FLVCR2: variants seen among roughly 807,000 people sequenced by gnomAD.
FLVCR2 encodes FLVCR choline and putative heme transporter 2, also known as choline/ethanolamine transporter FLVCR2.
In FLVCR2, 38 loss-of-function variants were observed where a neutral mutation model predicts 48.9. That is an observed-to-expected ratio of 0.78 (90% CI 0.60 to 1.02). The LOEUF is 1.02. Among genes scored for constraint, FLVCR2 ranks in the 50% least tolerant of loss-of-function variants. FLVCR2 has a pLI of 0.00. For synonymous variants in FLVCR2, 255 were observed against 257.0 expected (o/e 0.99, Z 0.07); for missense variants, 664 against 663.3 (o/e 1.00, Z -0.01).
chr14:75,586,105 A>G (rs1888741727), intron 1 of FLVCR2, among the ~76,000 whole-genome samples: 1 of 152,356 alleles, frequency 6.6e-6, no homozygotes, highest in African/African-American at 2.4e-5. Context: ...ACCACCAAAC[A>G]GGCTTTGTGT....
At chr14:75,634,701 A>G (rs1890123774) in intron 4 of FLVCR2, among the ~76,000 whole-genome samples, 1 of 152,200 alleles carries the variant, frequency 6.6e-6, no homozygotes, top group Non-Finnish European at 1.5e-5. Flanking sequence ...CCAGCATCCA[A>G]TATCATGCAC....
At chr14:75,639,600 T>G (rs1890258003) in intron 6 of FLVCR2, 138 bp downstream of exon 6, 1 of 725,062 alleles carries the variant, frequency 1.4e-6, no homozygotes, top group Non-Finnish European at 2.5e-6. Context: ...TGCCCAGGGG[T>G]CTCGGTAATA....
At chr14:75,639,150 T>A (rs1355608023) in intron 5 of FLVCR2, among the ~76,000 whole-genome samples, 1 of 152,090 alleles carries the variant, frequency 6.6e-6, no homozygotes. Flanking sequence ...GGTAGAGGTT[T>A]CAGCGAGCTG....
At chr14:75,627,164 G>A (rs1194996064) in intron 3 of FLVCR2, among the ~76,000 whole-genome samples, 1 of 151,922 alleles carries the variant, frequency 6.6e-6, no homozygotes, top group Non-Finnish European at 1.5e-5. Flanking sequence ...GTTTGCTTAC[G>A]TGGTCTTTAA....
chr14:75,607,874 G>A (rs1889334729), intron 1 of FLVCR2, among the ~76,000 whole-genome samples: 1 of 152,072 alleles, frequency 6.6e-6, no homozygotes, highest in East Asian at 1.9e-4. Context: ...GGAGTTTAAG[G>A]CCAGTCTTCG....
Position 75,579,429 on chromosome 14 carries a change from A to G in FLVCR2, c.457A>G (p.Ile153Val). The change falls in exon 1 of 10, where the codon ATT becomes GTT. Residue 153 changes from isoleucine (I) to valine (V), a missense_variant. Coordinates refer to ENST00000238667, the MANE Select transcript of FLVCR2 (RefSeq NM_017791.3). ...GCTGGAGAAGTTCGGCCTGCGCACC[A>G]TTGCTCTCACTGGCTCGGCTCTCAA... ...WLLEKFGLRT[I>V]ALTGSALNCL... 1 of 1,613,938 alleles carries G rather than the reference A, an allele frequency of 6.2e-7. No individual in the cohort carries two copies. The highest frequency in any genetic ancestry group is 8.5e-7 in the Non-Finnish European group (1 of 1,180,004).
chr14:75,597,514 G>A (rs936028171), intron 1 of FLVCR2, among the ~76,000 whole-genome samples: 4 of 152,056 alleles, frequency 2.6e-5, no homozygotes, highest in Admixed American at 2.6e-4. Flanking sequence ...ACAGAGGTCT[G>A]CGGCCCCACA....
chr14:75,646,459 A>G lies in FLVCR2; in HGVS notation c.1568A>G (p.Glu523Gly). 1 of 1,613,240 alleles carries G rather than the reference A, an allele frequency of 6.2e-7. No homozygotes were observed. Among genetic ancestry groups the G allele is most frequent in the South Asian group, 1.1e-5 (1 of 91,076 alleles). The change falls in exon 10 of 10, where the codon GAG becomes GGG. Residue 523 changes from glutamate to glycine, a missense_variant. Physicochemically the swap from Glu to Gly is moderately conservative, Grantham distance 98. Transcript: ENST00000238667. ...AGCAAAGTGCCCACTGCTGTGTCAG[A>G]GGATCATCTCTGAGAGGAAGGTGGT... Reference protein sequence around the residue: ...NTSKVPTAVSEDHL With the variant: ...NTSKVPTAVSGDHL
At chr14:75,630,725 G>C (rs1890021075) in intron 3 of FLVCR2, among the ~76,000 whole-genome samples, 1 of 152,124 alleles carries the variant, frequency 6.6e-6, no homozygotes, top group South Asian at 2.1e-4. Context: ...TTTTGACAAA[G>C]GAGAGAAAGA....
Position 75,641,850 on chromosome 14 carries a change from T to G in FLVCR2, c.1461T>G (p.Ile487Met). Residue 487 changes from isoleucine to methionine, a missense_variant, in exon 9 of 10, where the codon ATT becomes ATG. By Grantham distance (10) the Ile-to-Met change is conservative. Coordinates refer to ENST00000238667, the MANE Select transcript of FLVCR2 (RefSeq NM_017791.3). The part of the protein sequence containing the change: ...LTLGAALTAF[I>M]KADLRRQKAN... ...TCAATCTATCAACCTTAGCATTCAT[T>G]AAGGCAGATCTCCGGAGACAGAAAG... 6.2e-7 allele frequency: 1 copy of G among 1,614,008 alleles called. No individual in the cohort carries two copies. Among genetic ancestry groups the G allele is most frequent in the Non-Finnish European group, 8.5e-7 (1 of 1,179,846 alleles).
chr14:75,600,663 T>A (rs1220582003), intron 1 of FLVCR2, among the ~76,000 whole-genome samples: 1 of 152,204 alleles, frequency 6.6e-6, no homozygotes, highest in Non-Finnish European at 1.5e-5. Context: ...TAATGTTAGT[T>A]CTGGCAAAGA....
intron 5 of FLVCR2, 130 bp from the exon 6 acceptor site, chr14:75,639,221 AC>A: frequency 1.4e-6 from 1 of 730,798 alleles, no homozygotes; most frequent in East Asian, 2.7e-5. Flanking sequence ...TGAAAACAAA[AC>A]AAAACTCCAA....
At chr14:75,605,014 G>A (rs1204646438) in intron 1 of FLVCR2, among the ~76,000 whole-genome samples, 1 of 152,330 alleles carries the variant, frequency 6.6e-6, no homozygotes, top group East Asian at 1.9e-4. Context: ...TCACAAACCT[G>A]AGACTGAAGG....
intron 1 of FLVCR2, among the ~76,000 whole-genome samples, chr14:75,617,239 A>C (rs3784003): frequency 0.62 from 94,316 of 151,994 alleles, 31,224 homozygotes; most frequent in Non-Finnish European, 0.73. Context: ...AGCTAGAATC[A>C]CAAGTGAGAC....
chr14:75,586,441 G>A (rs1314088930), intron 1 of FLVCR2, among the ~76,000 whole-genome samples: 1 of 152,230 alleles, frequency 6.6e-6, no homozygotes, highest in Non-Finnish European at 1.5e-5. Context: ...CGATCTGGAT[G>A]TATACGTGCA....
chr14:75,615,710 G>C (rs543360397), intron 1 of FLVCR2, among the ~76,000 whole-genome samples: 4 of 152,020 alleles, frequency 2.6e-5, no homozygotes, highest in Non-Finnish European at 5.9e-5. Context: ...AGGAGAAGTG[G>C]GAGATTCATT....
intron 1 of FLVCR2, among the ~76,000 whole-genome samples, chr14:75,604,849 C>T (rs1307692891): frequency 6.6e-6 from 1 of 152,110 alleles, no homozygotes; most frequent in African/African-American, 2.4e-5. Context: ...CTGATGGAGA[C>T]TTGTGCCTCT....
intron 1 of FLVCR2, among the ~76,000 whole-genome samples, chr14:75,589,893 G>GAGTTC (rs1379704972): frequency 6.6e-6 from 1 of 152,246 alleles, no homozygotes; most frequent in Non-Finnish European, 1.5e-5. Flanking sequence ...GCAAGGAGCA[G>GAGTTC]AGTTCTGAGG....
chr14:75,594,491 T>C (rs1888967766), intron 1 of FLVCR2, among the ~76,000 whole-genome samples: 1 of 152,238 alleles, frequency 6.6e-6, no homozygotes, highest in South Asian at 2.1e-4. Context: ...TATCACAGAA[T>C]ACCACAGACT....
Sources: gnomAD v4.1 joint callset for allele counts (sites outside exome capture counted in the v4.1 genomes callset) on GRCh38, gnomAD v4.1.1 for gene constraint, MANE v1.5 for transcripts, NCBI Gene and HGNC (gene_info 2026-07-23, HGNC 2026-07-21) for gene names.